Variants in SRCAP observed in about 807,000 individuals in gnomAD.
The protein encoded by SRCAP is chromatin remodeling protein SRCAP.
A neutral mutation model predicts 263.1 loss-of-function variants in SRCAP; 46 were observed. The observed-to-expected ratio is 0.17, with a 90% CI of 0.14 to 0.22. The LOEUF (loss-of-function observed/expected upper bound fraction) is 0.22, where lower values mean the gene tolerates loss of function less well. SRCAP is among the 10% of genes least tolerant of loss of function. SRCAP has a pLI of 1.00. For missense variants in SRCAP, 3,695 were observed against 4,181.9 expected (o/e 0.88, Z 3.21); for synonymous variants, 1,813 against 1,662.1 (o/e 1.09, Z -2.21).
Position 30,718,537 on chromosome 16 carries a change from G to A in SRCAP, c.2818-1625G>A, listed in dbSNP as rs145946843. 6.1e-3 allele frequency among the ~76,000 whole-genome samples: 881 copies of A among 144,460 alleles called. 5 individuals carry two copies. The highest frequency in any genetic ancestry group is 7.5e-3 in the Non-Finnish European group (499 of 66,764). 94.8% of individuals were successfully genotyped at this position (144,460 alleles called of 152,430 possible). ...CGCTCAGGCTGGAGTGCAGTGGTGC[G>A]ATGTCAGCTCACTGTAACCTCCACC... On this transcript the variant is annotated intron_variant, in intron 18 of 33. Transcript: ENST00000262518.
chr16:30,738,634 A>G lies in SRCAP; in HGVS notation c.8594A>G (p.Lys2865Arg). Residue 2865 changes from lysine to arginine, a missense_variant, in exon 34 of 34, where the codon AAG becomes AGG. Coordinates refer to ENST00000262518, the MANE Select transcript of SRCAP (RefSeq NM_006662.3). Reference protein sequence around the residue: ...AVKRRRGRPPKKNRSPADAGR... With the variant: ...AVKRRRGRPPRKNRSPADAGR... ...AAACGTCGGAGGGGGAGGCCCCCCA[A>G]GAAGAACAGGTCTCCAGCAGATGCT... 1 of 1,607,354 alleles carries G rather than the reference A, an allele frequency of 6.2e-7. No homozygotes were observed. The highest frequency in any genetic ancestry group is 8.5e-7 in the Non-Finnish European group (1 of 1,176,818).
At chr16:30,718,229 T>C (rs1043294835) in intron 18 of SRCAP, among the ~76,000 whole-genome samples, 3 of 151,950 alleles carry the variant, frequency 2.0e-5, no homozygotes, top group African/African-American at 7.3e-5. Flanking sequence ...CAGGCTAGAG[T>C]GCAATGGCAC....
Position 30,723,077 on chromosome 16 carries a change from C to T in SRCAP, c.4007C>T (p.Ser1336Phe), listed in dbSNP as rs757794039. 1 of 1,614,132 alleles carries T rather than the reference C, an allele frequency of 6.2e-7. No individual in the cohort carries two copies. The highest frequency in any genetic ancestry group is 1.1e-5 in the South Asian group (1 of 91,076). ...GCCCCAGCACCCCGGCCTCCGAGCTCTGGGCTTCCAGCTGTGTTGAATCCA... is the reference window on the plus strand; with the variant it reads ...GCCCCAGCACCCCGGCCTCCGAGCTTTGGGCTTCCAGCTGTGTTGAATCCA... Reference protein sequence around the residue: ...PLAPAPRPPSSGLPAVLNPRP... With the variant: ...PLAPAPRPPSFGLPAVLNPRP... The change falls in exon 24 of 34, where the codon TCT becomes TTT. Residue 1336 changes from serine to phenylalanine, a missense_variant. Physicochemically the swap from Ser to Phe is radical, Grantham distance 155. This residue lies in a region of SRCAP where 1,347 missense variants were observed against 1,304.4 expected (regional missense o/e 1.03). Transcript: ENST00000262518.
At chr16:30,734,048 G>T (rs763678507) in intron 30 of SRCAP, 40 bp downstream of exon 30, 1 of 1,514,038 alleles carries the variant, frequency 6.6e-7, no homozygotes, top group Non-Finnish European at 9.0e-7. Flanking sequence ...GGAGAAAACT[G>T]CTGCGCCTTC....
intron 27 of SRCAP, 90 bp downstream of exon 27, chr16:30,729,662 C>T (rs2053095040): frequency 6.1e-6 from 9 of 1,476,920 alleles, no homozygotes; most frequent in Non-Finnish European, 8.4e-6. Context: ...CACTTAAGTT[C>T]TCTTGCGATT....
rs2151282617 is a variant in SRCAP, at chr16:30,700,766, C to G, written c.-59C>G. On this transcript the variant is annotated 5_prime_UTR_variant, in exon 3 of 34. Coordinates refer to ENST00000262518, the MANE Select transcript of SRCAP (RefSeq NM_006662.3). ...GACGCCAGCCCCTCGGCCAGCAGTA[C>G]TGGTGATAACAACCCAGTCATTCTT... 1 of 1,535,630 alleles carries G rather than the reference C, an allele frequency of 6.5e-7. No homozygotes were observed. The highest frequency in any genetic ancestry group is 9.0e-7 in the Non-Finnish European group (1 of 1,111,246).
At chr16:30,707,799 G>A in intron 6 of SRCAP, 87 bp downstream of exon 6, 4 of 1,510,198 alleles carry the variant, frequency 2.6e-6, no homozygotes, top group Non-Finnish European at 3.6e-6. Flanking sequence ...ACTTCTTGAG[G>A]GAGTAAATAT....
chr16:30,713,152 CT>C, intron 14 of SRCAP, 55 bp from the exon 15 acceptor site: 2 of 1,563,858 alleles, frequency 1.3e-6, no homozygotes, highest in East Asian at 2.2e-5. Context: ...CATGTCTTCC[CT>C]TTGCTCTCTT....
chr16:30,715,753 C>G (rs1019520136), intron 16 of SRCAP, among the ~76,000 whole-genome samples: 3 of 152,190 alleles, frequency 2.0e-5, no homozygotes, highest in Non-Finnish European at 4.4e-5. Flanking sequence ...TTATTCTCCT[C>G]ATCTTCTAGA....
rs1596643347 is a variant in SRCAP, at chr16:30,707,321, G to A, written c.445G>A (p.Ala149Thr). The A allele has an allele frequency of 1.2e-6, 2 of 1,614,202 alleles. No individual in the cohort carries two copies. Among genetic ancestry groups the A allele is most frequent in the Middle Eastern group, 3.3e-4 (2 of 6,062 alleles). The stretch of plus-strand genomic sequence containing the variant: ...GTGCGAAGAGATGCAGTGGCTCTCT[G>A]CTGACTTTGCTCAGGAGCGCCGTTG... ...YLCEEMQWLS[A>T]DFAQERRWKR... The change falls in exon 5 of 34, where the codon GCT becomes ACT. Residue 149 changes from alanine to threonine, a missense_variant. Physicochemically the swap from Ala to Thr is moderately conservative, Grantham distance 58. Transcript: ENST00000262518.
chr16:30,712,546 T>C, intron 13 of SRCAP, 107 bp downstream of exon 13: 1 of 1,515,674 alleles, frequency 6.6e-7, no homozygotes, highest in Non-Finnish European at 8.9e-7. Flanking sequence ...ACTCCGGTCA[T>C]TAACTGTATA....
rs772321084 is a variant in SRCAP, at chr16:30,738,132, G to T, written c.8092G>T (p.Val2698Phe). 1 of 1,614,144 alleles carries T rather than the reference G, an allele frequency of 6.2e-7. No homozygotes were observed. Among genetic ancestry groups the T allele is most frequent in the Non-Finnish European group, 8.5e-7 (1 of 1,180,038 alleles). ...EKPQELVTAE[V>F]AAPSTSSSAT... ...GCCACAGGAACTCGTTACAGCTGAG[G>T]TTGCAGCTCCATCCACCTCATCTTC... is the stretch of plus-strand genomic sequence containing the variant. The change falls in exon 34 of 34, where the codon GTT (valine) becomes TTT (phenylalanine). Residue 2698 changes from valine to phenylalanine, a missense_variant. Val to Phe is a conservative substitution (Grantham distance 50). This residue lies in a region of SRCAP where 1,207 missense variants were observed against 1,142.9 expected (regional missense o/e 1.06). Coordinates refer to ENST00000262518, the MANE Select transcript of SRCAP (RefSeq NM_006662.3).
chr16:30,740,268 AATC>A lies in SRCAP; in HGVS notation c.*536_*538del, dbSNP rs1458627308. 6.6e-6 allele frequency: 1 copy of A among 152,408 alleles called. No individual in the cohort carries two copies. Among genetic ancestry groups the A allele is most frequent in the Admixed American group, 6.6e-5 (1 of 15,248 alleles). 9.4% of individuals were successfully genotyped at this position (152,408 alleles called of 1,614,324 possible). A position where few individuals can be genotyped will look rare whatever the true frequency, so the allele number is the denominator to read the frequency against. On this transcript the variant is annotated 3_prime_UTR_variant, in exon 34 of 34. Coordinates refer to ENST00000262518, the MANE Select transcript of SRCAP (RefSeq NM_006662.3). Reference sequence around the variant, plus strand: ...CCCAGGACTATATGTTCCAGGCAGAAATCTACCCAAGAAGAGGGAAGATTGGTG... The same window carrying A: ...CCCAGGACTATATGTTCCAGGCAGAATACCCAAGAAGAGGGAAGATTGGTG...
At chr16:30,725,293 T>C in intron 25 of SRCAP, 1 of 1,070,872 alleles carries the variant, frequency 9.3e-7, no homozygotes, top group Non-Finnish European at 1.3e-6. Flanking sequence ...AGTGTTAGGA[T>C]TACAGGGGTG....
rs772723579 is a variant in SRCAP at position 30,723,040 on chromosome 16, G to A, written c.3970G>A (p.Val1324Ile). Residue 1324 changes from valine (V) to isoleucine (I), a missense_variant, in exon 24 of 34, where the codon GTT becomes ATT. By Grantham distance (29) the Val-to-Ile change is conservative. Coordinates refer to ENST00000262518, the MANE Select transcript of SRCAP (RefSeq NM_006662.3). The part of the protein sequence containing the change: ...RQAPRDGLTP[V>I]PPLAPAPRPP... ...AGCCCCTCGGGATGGACTGACTCCT[G>A]TTCCTCCATTGGCCCCAGCACCCCG... 7.2e-5 allele frequency: 116 copies of A among 1,613,938 alleles called. 1 individual carries two copies. The East Asian group carries it at 2.6e-3, about 36-fold the overall frequency.
At chr16:30,732,571 G>C (rs2053123821) in intron 27 of SRCAP, among the ~76,000 whole-genome samples, 1 of 152,146 alleles carries the variant, frequency 6.6e-6, no homozygotes, top group Non-Finnish European at 1.5e-5. Context: ...AGCCTTTACT[G>C]TTCTGATCTG....
rs1252837581 is a variant in SRCAP, at chr16:30,720,800, A to G, written c.3075A>G (p.Arg1025=). The G allele has an allele frequency of 7.4e-6, 12 of 1,613,350 alleles. No homozygotes were observed. Among genetic ancestry groups the G allele is most frequent in the Non-Finnish European group, 1.0e-5 (12 of 1,179,864 alleles). Residue 1025 remains arginine (R), a synonymous_variant, in exon 20 of 34, where the codon CGA becomes CGG. Transcript: ENST00000262518. ...PRAPLGPVPV[R]PPPGPELSAQ... Reference sequence around the variant, plus strand: ...CGCCCCTGGGCCCTGTCCCAGTTCGACCTCCTCCAGGTCCTGAGCTCTCAG... The same window carrying G: ...CGCCCCTGGGCCCTGTCCCAGTTCGGCCTCCTCCAGGTCCTGAGCTCTCAG...
At chr16:30,720,070 T>A (rs927030997) in intron 18 of SRCAP, 92 bp from the exon 19 acceptor site, 1 of 1,416,898 alleles carries the variant, frequency 7.1e-7, no homozygotes, top group Non-Finnish European at 9.7e-7. Flanking sequence ...TCTGTGTTAA[T>A]TCACTTAAGG....
intron 33 of SRCAP, 40 bp downstream of exon 33, chr16:30,736,664 C>T (rs373650373): frequency 2.2e-5 from 35 of 1,598,156 alleles, no homozygotes; most frequent in Non-Finnish European, 2.9e-5. Flanking sequence ...TTGGAAGCTG[C>T]TAATTTCTTT....
Sources: allele counts gnomAD v4.1 joint callset (sites outside exome capture counted in the v4.1 genomes callset), GRCh38; gene constraint gnomAD v4.1.1; regional missense constraint gnomAD v4.1.1; transcripts MANE v1.5; gene names NCBI Gene and HGNC (gene_info 2026-07-23, HGNC 2026-07-21).